Variants in FBLN7 observed in about 807,000 individuals in gnomAD.
FBLN7 encodes the protein fibulin-7.
A neutral mutation model predicts 44.0 loss-of-function variants in FBLN7; 31 were observed. That is an observed-to-expected ratio of 0.70 (90% CI 0.53 to 0.95). The LOEUF is 0.95. FBLN7 is among the 40% of genes least tolerant of loss of function. The probability of loss-of-function intolerance (pLI) is 0.00; values close to 1 mark genes in which losing one functional copy is unlikely to be tolerated. For missense variants in FBLN7, 573 were observed against 618.5 expected (o/e 0.93, Z 0.78); for synonymous variants, 262 against 253.4 (o/e 1.03, Z -0.32).
intron 3 of FBLN7, among the ~76,000 whole-genome samples, chr2:112,170,302 G>A (rs1004731795): frequency 2.6e-5 from 4 of 151,718 alleles, no homozygotes; most frequent in African/African-American, 7.3e-5. Flanking sequence ...AAAGGTGAGT[G>A]GATCACTTGA....
intron 5 of FBLN7, chr2:112,182,119 G>A (rs1683032960): frequency 1.9e-6 from 1 of 530,088 alleles, no homozygotes; most frequent in Non-Finnish European, 3.3e-6. Flanking sequence ...AGCCACACGC[G>A]CTTGGTTCAG....
intron 1 of FBLN7, among the ~76,000 whole-genome samples, chr2:112,148,553 A>G (rs1264217753): frequency 6.6e-6 from 1 of 152,234 alleles, no homozygotes; most frequent in African/African-American, 2.4e-5. Context: ...TTGGCAGGCC[A>G]GGGTAGCAAT....
intron 1 of FBLN7, among the ~76,000 whole-genome samples, chr2:112,142,594 T>C (rs1412383705): frequency 6.6e-6 from 1 of 152,060 alleles, no homozygotes; most frequent in African/African-American, 2.4e-5. Flanking sequence ...AGGACAGGCT[T>C]CCTCGACCAA....
chr2:112,164,950 G>C, intron 2 of FBLN7, 51 bp from the exon 3 acceptor site: 1 of 1,590,286 alleles, frequency 6.3e-7, no homozygotes, highest in Non-Finnish European at 8.6e-7. Flanking sequence ...TAATGTCTAA[G>C]GGCTGTGGTC....
At chr2:112,233,047 C>A in the FBLN7 span, among the ~76,000 whole-genome samples, 5 of 152,126 alleles carry the variant, frequency 3.3e-5, no homozygotes, top group African/African-American at 4.8e-5. Context: ...CCAGGTTGAG[C>A]AGAAAGAATC....
chr2:112,226,524 G>C, the FBLN7 span, among the ~76,000 whole-genome samples: 3 of 141,216 alleles, frequency 2.1e-5, no homozygotes, highest in South Asian at 6.7e-4. Context: ...GGGAGGTGGA[G>C]TTTGCAGTGA....
the FBLN7 span, among the ~76,000 whole-genome samples, chr2:112,194,316 T>C: frequency 6.6e-6 from 1 of 152,222 alleles, no homozygotes. Flanking sequence ...CAAAAATTCA[T>C]CTTTCCTTCC....
At position 112,166,857 on chromosome 2, in the gene FBLN7, G is replaced by A. The variant is rs980490247; in HGVS notation, c.406+1686G>A. Among the ~76,000 whole-genome samples, 7 of 152,070 alleles carry A rather than the reference G, an allele frequency of 4.6e-5. No individual in the cohort carries two copies. The East Asian group carries it at 1.2e-3, about 25-fold the overall frequency. On this transcript the variant is annotated intron_variant, in intron 3 of 7. Transcript: ENST00000331203. ...CTCCAGTGCCTCTGATAGCTGCCTCGTCCTCTCTGGGGTGCACCCCCACAT... is the reference window on the plus strand; with the variant it reads ...CTCCAGTGCCTCTGATAGCTGCCTCATCCTCTCTGGGGTGCACCCCCACAT...
chr2:112,166,994 CTG>C (rs776584176), intron 3 of FBLN7, among the ~76,000 whole-genome samples: 1 of 152,216 alleles, frequency 6.6e-6, no homozygotes, highest in Non-Finnish European at 1.5e-5. Context: ...GGCTGTGTAT[CTG>C]TGGCTGGAGA....
chr2:112,226,327 G>A, the FBLN7 span, among the ~76,000 whole-genome samples: 3 of 151,806 alleles, frequency 2.0e-5, no homozygotes, highest in Admixed American at 6.6e-5. Flanking sequence ...GGTAGCTCAC[G>A]CCTGTAATCC....
chr2:112,179,577 AC>A (rs1483809629), intron 4 of FBLN7, among the ~76,000 whole-genome samples: 1 of 152,228 alleles, frequency 6.6e-6, no homozygotes, highest in African/African-American at 2.4e-5. Flanking sequence ...GAATCACATT[AC>A]CCAACTTCAA....
At chr2:112,215,559 A>G in the FBLN7 span, 1 of 152,226 alleles carries the variant, frequency 6.6e-6, no homozygotes, top group Non-Finnish European at 1.5e-5. Context: ...TGTACTCTGT[A>G]TGTCCAGCAA....
chr2:112,149,318 A>C (rs978388459), intron 1 of FBLN7, among the ~76,000 whole-genome samples: 5 of 152,184 alleles, frequency 3.3e-5, no homozygotes, highest in African/African-American at 1.2e-4. Context: ...CAGCCAGTTC[A>C]GTGGTTTCTT....
intron 3 of FBLN7, among the ~76,000 whole-genome samples, 171 bp downstream of exon 3, chr2:112,165,342 C>T (rs1001954693): frequency 1.3e-5 from 2 of 152,182 alleles, no homozygotes; most frequent in African/African-American, 2.4e-5. Context: ...GCCAGGTTGG[C>T]GCTGGTCTCT....
chr2:112,208,506 T>G, the FBLN7 span, among the ~76,000 whole-genome samples: 2 of 152,248 alleles, frequency 1.3e-5, no homozygotes, highest in African/African-American at 4.8e-5. Context: ...ATTGAGTTAT[T>G]ATGTCTGGAT....
chr2:112,163,644 C>G (rs1573797784), intron 2 of FBLN7, among the ~76,000 whole-genome samples: 1 of 152,224 alleles, frequency 6.6e-6, no homozygotes, highest in Non-Finnish European at 1.5e-5. Flanking sequence ...TGCTCAGCTA[C>G]TACCCTGGCC....
At chr2:112,227,747 GAATA>G in the FBLN7 span, among the ~76,000 whole-genome samples, 2 of 152,146 alleles carry the variant, frequency 1.3e-5, no homozygotes, top group African/African-American at 4.8e-5. Context: ...GAATATGTAC[GAATA>G]AATTAACAAA....
At chr2:112,161,154 C>T (rs772028472) in intron 2 of FBLN7, among the ~76,000 whole-genome samples, 7 of 152,314 alleles carry the variant, frequency 4.6e-5, no homozygotes, top group South Asian at 2.1e-4. Context: ...GGTTTTCCTC[C>T]GGTGTCTTAG....
chr2:112,144,523 CTT>C (rs35764058), intron 1 of FBLN7, among the ~76,000 whole-genome samples: 3,719 of 123,526 alleles, frequency 0.03, 33 homozygotes, highest in Middle Eastern at 0.077. Flanking sequence ...GTTTTCTTTT[CTT>C]TTTTTTTTTT....
Sources: gnomAD v4.1 joint callset for allele counts (sites outside exome capture counted in the v4.1 genomes callset) on GRCh38, gnomAD v4.1.1 for gene constraint, MANE v1.5 for transcripts, NCBI Gene and HGNC (gene_info 2026-07-23, HGNC 2026-07-21) for gene names.